KIF6: variants seen among roughly 807,000 people sequenced by gnomAD.
KIF6 encodes kinesin family member 6, also known as kinesin-like protein KIF6.
A neutral mutation model predicts 112.7 loss-of-function variants in KIF6; 106 were observed. The observed-to-expected ratio is 0.94, with a 90% confidence interval of 0.80 to 1.11. The LOEUF is 1.11. Ranked by LOEUF, KIF6 falls within the 50% of genes least tolerant of loss-of-function variation. The probability of loss-of-function intolerance (pLI) is 0.00; values close to 1 mark genes in which losing one functional copy is unlikely to be tolerated. For missense variants in KIF6, 929 were observed against 964.0 expected (o/e 0.96, Z 0.48); for synonymous variants, 339 against 339.9 (o/e 1.00, Z 0.03).
chr6:39,472,919 T>C (rs983737105), intron 13 of KIF6, among the ~76,000 whole-genome samples: 2 of 109,728 alleles, frequency 1.8e-5, no homozygotes, highest in African/African-American at 9.3e-5. Context: ...GGAGTTTCAC[T>C]CTTGTTGCCC....
At chr6:39,631,750 G>A (rs1477569866) in intron 5 of KIF6, among the ~76,000 whole-genome samples, 2 of 150,468 alleles carry the variant, frequency 1.3e-5, no homozygotes, top group African/African-American at 4.9e-5. Context: ...TCTTTGCCCA[G>A]TTTTGGTATT....
In KIF6 at chr6:39,544,569, C is replaced by T; in HGVS notation, c.1412G>A (p.Arg471Lys). The change falls in exon 12 of 23, where the codon AGA becomes AAA. Residue 471 changes from arginine to lysine, a missense_variant. Around this residue, in one of 2 missense-constraint regions of KIF6, gnomAD observed 688 missense variants for 662.7 expected, o/e 1.04. Coordinates refer to ENST00000287152, the MANE Select transcript of KIF6 (RefSeq NM_145027.6). ...AGAAAGGATACTGATTTCGTTATCT[C>T]TCTGTTTCAGAATATCTCGTAGCTT... ...YRKLRDILKQ[R>K]DNEINILVNM... 1 of 1,612,026 alleles carries T rather than the reference C, an allele frequency of 6.2e-7. No individual in the cohort carries two copies. The highest frequency in any genetic ancestry group is 8.5e-7 in the Non-Finnish European group (1 of 1,179,194).
At chr6:39,669,505 C>T (rs889837841) in intron 3 of KIF6, among the ~76,000 whole-genome samples, 1 of 152,166 alleles carries the variant, frequency 6.6e-6, no homozygotes, top group Non-Finnish European at 1.5e-5. Context: ...AAATATTTTC[C>T]ACATCTCACA....
intron 4 of KIF6, among the ~76,000 whole-genome samples, chr6:39,635,193 G>C (rs372048945): frequency 6.6e-6 from 1 of 151,360 alleles, no homozygotes; most frequent in African/African-American, 2.4e-5. Flanking sequence ...ATTTTTTATT[G>C]GTTCCACATT....
intron 13 of KIF6, among the ~76,000 whole-genome samples, chr6:39,522,614 G>T (rs1300251751): frequency 6.6e-6 from 1 of 152,284 alleles, no homozygotes; most frequent in East Asian, 1.9e-4. Context: ...AAAGGTCACT[G>T]ATCACTTTCC....
chr6:39,698,659 C>T (rs192925432), intron 3 of KIF6, among the ~76,000 whole-genome samples: 3 of 152,196 alleles, frequency 2.0e-5, no homozygotes, highest in Admixed American at 6.5e-5. Flanking sequence ...TAGATTGAGG[C>T]AAAATAGGGT....
At chr6:39,603,478 C>T (rs1319737168) in intron 6 of KIF6, among the ~76,000 whole-genome samples, 1 of 151,838 alleles carries the variant, frequency 6.6e-6, no homozygotes, top group Non-Finnish European at 1.5e-5. Context: ...TTCTATACAG[C>T]AGGAGATACC....
chr6:39,489,178 ATC>A (rs1775312290), intron 13 of KIF6, among the ~76,000 whole-genome samples: 1 of 152,188 alleles, frequency 6.6e-6, no homozygotes, highest in Non-Finnish European at 1.5e-5. Context: ...TTGGTATAAT[ATC>A]TGTTTTCTAA....
rs1768045809 is a variant in KIF6 at position 39,393,608 on chromosome 6, A to C, written c.1811-7936T>G. Among the ~76,000 whole-genome samples, 2 of 151,818 alleles carry C rather than the reference A, an allele frequency of 1.3e-5. 1 individual carries two copies. Among genetic ancestry groups the C allele is most frequent in the South Asian group, 4.1e-4 (2 of 4,820 alleles). ...ATATTTTATTATTTGACCATTAAAAACCTCTGTGTGTATGTGTATGTGTGT... is the reference window on the plus strand; with the variant it reads ...ATATTTTATTATTTGACCATTAAAACCCTCTGTGTGTATGTGTATGTGTGT... On this transcript the variant is annotated intron_variant, in intron 15 of 22. Coordinates refer to ENST00000287152, the MANE Select transcript of KIF6 (RefSeq NM_145027.6).
chr6:39,648,027 CT>C (rs780247547), intron 3 of KIF6, among the ~76,000 whole-genome samples: 274 of 113,332 alleles, frequency 2.4e-3, no homozygotes, highest in Middle Eastern at 6.5e-3. Flanking sequence ...TTTTAACTTT[CT>C]TTTTTTTTTT....
rs772948774 is a variant in KIF6 at position 39,357,339 on chromosome 6, C to T, written c.2118G>A (p.Thr706=). Residue 706 remains threonine (T), a synonymous_variant, in exon 19 of 23, where the codon ACG becomes ACA. Coordinates refer to ENST00000287152, the MANE Select transcript of KIF6 (RefSeq NM_145027.6). ...NSPAVNSLDH[T]KPFLQTSDSQ... ...AGTCAGATGTCTGGAGAAATGGCTT[C>T]GTGTGATCGAGTGAATTCACTGCTG... 9.9e-6 allele frequency: 16 copies of T among 1,613,844 alleles called. No homozygotes were observed. Among genetic ancestry groups the T allele is most frequent in the Middle Eastern group, 1.7e-4 (1 of 6,058 alleles).
chr6:39,346,839 G>A (rs1250658568), intron 19 of KIF6, among the ~76,000 whole-genome samples: 1 of 152,090 alleles, frequency 6.6e-6, no homozygotes, highest in East Asian at 1.9e-4. Flanking sequence ...AGTAGAGATG[G>A]GGTTTCACCA....
intron 3 of KIF6, among the ~76,000 whole-genome samples, chr6:39,683,231 C>T (rs1787642995): frequency 1.3e-5 from 2 of 152,194 alleles, no homozygotes; most frequent in African/African-American, 4.8e-5. Context: ...TGAATGGTGA[C>T]TGGACTATAA....
At chr6:39,357,498 G>A in intron 18 of KIF6, 124 bp from the exon 19 acceptor site, 1 of 590,728 alleles carries the variant, frequency 1.7e-6, no homozygotes, top group Non-Finnish European at 2.9e-6. Flanking sequence ...GCCCAGGCTG[G>A]AGTGCAGTGG....
At chr6:39,450,607 C>T (rs931905981) in intron 13 of KIF6, among the ~76,000 whole-genome samples, 65 of 152,100 alleles carry the variant, frequency 4.3e-4, no homozygotes, top group African/African-American at 1.5e-3. Flanking sequence ...GAGTTTGAGA[C>T]CAGCCTGGGC....
intron 13 of KIF6, among the ~76,000 whole-genome samples, chr6:39,538,365 T>TCGG (rs1778570731): frequency 6.6e-6 from 1 of 151,248 alleles, no homozygotes; most frequent in Non-Finnish European, 1.5e-5. Context: ...CAAACAAATT[T>TCGG]ACAAGAAAAA....
At chr6:39,455,574 G>A (rs1232892024) in intron 13 of KIF6, among the ~76,000 whole-genome samples, 3 of 151,746 alleles carry the variant, frequency 2.0e-5, no homozygotes, top group Non-Finnish European at 4.4e-5. Flanking sequence ...ATTACTCTGA[G>A]CTACGGGAGG....
At chr6:39,437,862 T>A (rs571810211) in intron 13 of KIF6, among the ~76,000 whole-genome samples, 1 of 152,348 alleles carries the variant, frequency 6.6e-6, no homozygotes, top group Admixed American at 6.5e-5. Context: ...ATAAACCTAC[T>A]GTGATGCCAG....
intron 10 of KIF6, among the ~76,000 whole-genome samples, chr6:39,551,666 A>G (rs1779388699): frequency 6.6e-6 from 1 of 152,188 alleles, no homozygotes. Context: ...TTTAGAAAGT[A>G]TAAAAGGAAA....
Sources: allele counts gnomAD v4.1 joint callset (sites outside exome capture counted in the v4.1 genomes callset), GRCh38; gene constraint gnomAD v4.1.1; regional missense constraint gnomAD v4.1.1; transcripts MANE v1.5; gene names NCBI Gene and HGNC (gene_info 2026-07-23, HGNC 2026-07-21).